Variants in SLC41A3 observed in about 807,000 individuals in gnomAD.
SLC41A3 encodes solute carrier family 41 member 3.
Under a neutral mutation model 45.4 loss-of-function variants are expected in SLC41A3, and 44 were observed. The observed-to-expected ratio is 0.97, with a 90% confidence interval of 0.76 to 1.25. The LOEUF is 1.25. Among genes scored for constraint, SLC41A3 ranks in the 50% most tolerant of loss-of-function variants. The probability of loss-of-function intolerance (pLI) is 0.00; values close to 1 mark genes in which losing one functional copy is unlikely to be tolerated. For missense variants in SLC41A3, 550 were observed against 600.6 expected (o/e 0.92, Z 0.88); for synonymous variants, 256 against 252.4 (o/e 1.01, Z -0.13).
chr3:126,012,613 A>C lies in SLC41A3; in HGVS notation c.1105+2T>G. 1.9e-6 allele frequency: 3 copies of C among 1,614,152 alleles called. No homozygotes were observed. Among genetic ancestry groups the C allele is most frequent in the Middle Eastern group, 1.7e-4 (1 of 6,058 alleles). On this transcript the variant is annotated splice_donor_variant, in intron 9 of 10. Coordinates refer to ENST00000360370, the MANE Select transcript of SLC41A3 (RefSeq NM_017836.4). LOFTEE classifies it high-confidence loss of function. ...ATGGCCTCTGAAAGACATGACACCC[A>C]CCTGACGTGCAGAAAGTAGAACACG...
chr3:126,012,140 T>C (rs1466547707), intron 9 of SLC41A3, among the ~76,000 whole-genome samples: 1 of 152,196 alleles, frequency 6.6e-6, no homozygotes, highest in Non-Finnish European at 1.5e-5. Flanking sequence ...CTCTGGGCCT[T>C]TGCTAGACTG....
chr3:126,081,262 A>G (rs60272575), intron 1 of SLC41A3, among the ~76,000 whole-genome samples: 4,849 of 152,338 alleles, frequency 0.032, 149 homozygotes, highest in East Asian at 0.15. Flanking sequence ...CCGTGGACAG[A>G]AAGACAAACA....
In SLC41A3 at chr3:126,016,756, T is replaced by C. The variant is rs762561400; in HGVS notation, c.865A>G (p.Ile289Val). Residue 289 changes from isoleucine (I) to valine (V), a missense_variant, in exon 7 of 11, where the codon ATC becomes GTC. By Grantham distance (29) the Ile-to-Val change is conservative. Coordinates refer to ENST00000360370, the MANE Select transcript of SLC41A3 (RefSeq NM_017836.4). ...VKILKFGWFP[I>V]ILAMVISSFG... ...CTGCTGATGACCATGGCCAGGATGA[T>C]TGGGAACCAGCCAAACTTCAGGATC... 23 of 1,611,856 alleles carry C rather than the reference T, an allele frequency of 1.4e-5. No homozygotes were observed. Among genetic ancestry groups the C allele is most frequent in the East Asian group, 2.2e-5 (1 of 44,732 alleles).
intron 1 of SLC41A3, among the ~76,000 whole-genome samples, chr3:126,077,972 T>C (rs944227267): frequency 1.3e-5 from 2 of 152,234 alleles, no homozygotes; most frequent in Admixed American, 6.5e-5. Context: ...CCAGAGAACC[T>C]GGGCCCAGGC....
intron 3 of SLC41A3, among the ~76,000 whole-genome samples, chr3:126,043,114 T>G (rs555514219): frequency 6.6e-6 from 1 of 152,046 alleles, no homozygotes; most frequent in South Asian, 2.1e-4. Context: ...ACAAACTATT[T>G]GAAAGTCAAA....
At chr3:126,074,150 T>C (rs1053340652) in intron 1 of SLC41A3, among the ~76,000 whole-genome samples, 2 of 152,118 alleles carry the variant, frequency 1.3e-5, no homozygotes, top group East Asian at 2.0e-4. Context: ...AAAAACACTT[T>C]AAAAAGTTAG....
At chr3:126,035,100 A>G (rs1942085704) in intron 3 of SLC41A3, among the ~76,000 whole-genome samples, 1 of 152,158 alleles carries the variant, frequency 6.6e-6, no homozygotes, top group Non-Finnish European at 1.5e-5. Context: ...AGAGAGAGAC[A>G]TGAGAGGGGA....
intron 2 of SLC41A3, among the ~76,000 whole-genome samples, chr3:126,060,472 A>T (rs1395513881): frequency 6.6e-6 from 1 of 152,220 alleles, no homozygotes; most frequent in East Asian, 1.9e-4. Flanking sequence ...GTGCATGCAC[A>T]GTGAAACGTT....
At chr3:126,087,410 G>A (rs1375082807), upstream of SLC41A3, among the ~76,000 whole-genome samples, 3 of 151,978 alleles carry the variant, frequency 2.0e-5, no homozygotes, top group Admixed American at 6.5e-5. Flanking sequence ...GTAAACAAAC[G>A]TCATATAATT....
intron 2 of SLC41A3, among the ~76,000 whole-genome samples, chr3:126,060,547 T>C (rs747130868): frequency 2.0e-5 from 3 of 152,134 alleles, no homozygotes; most frequent in Non-Finnish European, 1.5e-5. Flanking sequence ...TAAGTAATCT[T>C]TATAATTTTT....
At chr3:126,040,254 T>C (rs1220797650) in intron 3 of SLC41A3, among the ~76,000 whole-genome samples, 1 of 152,228 alleles carries the variant, frequency 6.6e-6, no homozygotes, top group African/African-American at 2.4e-5. Context: ...CTTGAGTTCA[T>C]GCTTATTTCC....
intron 2 of SLC41A3, among the ~76,000 whole-genome samples, chr3:126,064,422 A>G (rs1325147975): frequency 1.3e-5 from 2 of 151,834 alleles, no homozygotes; most frequent in Non-Finnish European, 2.9e-5. Context: ...CTGCTGACTC[A>G]CTCTGCTCCC....
chr3:126,056,395 C>T (rs763272310), intron 2 of SLC41A3: 2 of 1,614,190 alleles, frequency 1.2e-6, no homozygotes, highest in Admixed American at 3.3e-5. Context: ...TGTCATCATG[C>T]ACAAGCCGGA....
Position 126,008,745 on chromosome 3 carries a change from G to T in SLC41A3, c.1241C>A (p.Ala414Glu). ...AGCCAGGCTTACCTGGATCAGGCCT[G>T]CCAGCAGGTAGAGCACCACAAAGGT... ...SQTFVVLYLL[A>E]GLIQVTILLY... The change falls in exon 10 of 11, where the codon GCA (alanine) becomes GAA (glutamate). Residue 414 changes from alanine (A) to glutamate (E), a missense_variant. Ala to Glu is a moderately radical substitution (Grantham distance 107, BLOSUM62 -1). Transcript: ENST00000360370. 12 of 1,613,942 alleles carry T rather than the reference G, an allele frequency of 7.4e-6. No homozygotes were observed. Among genetic ancestry groups the T allele is most frequent in the Non-Finnish European group, 9.3e-6 (11 of 1,179,872 alleles).
intron 6 of SLC41A3, among the ~76,000 whole-genome samples, chr3:126,017,479 G>A (rs1044147575): frequency 6.6e-6 from 1 of 152,234 alleles, no homozygotes; most frequent in Non-Finnish European, 1.5e-5. Context: ...ACTGGCGAGA[G>A]GCCAGTGAAG....
chr3:126,096,393 CA>C (rs576149517), intron 1 of SLC41A3, among the ~76,000 whole-genome samples: 26,047 of 151,014 alleles, frequency 0.17, 2,352 homozygotes, highest in Middle Eastern at 0.26. Context: ...CCCCCCACCC[CA>C]AAAAAAAACA....
At chr3:126,015,458 AC>A in intron 8 of SLC41A3, 35 bp downstream of exon 8, 1 of 1,609,528 alleles carries the variant, frequency 6.2e-7, no homozygotes, top group Middle Eastern at 1.7e-4. Context: ...GGCCTACCCA[AC>A]CCAGGGACCA....
upstream of SLC41A3, among the ~76,000 whole-genome samples, chr3:126,087,441 A>T (rs955854611): frequency 5.9e-5 from 9 of 152,086 alleles, no homozygotes; most frequent in African/African-American, 2.2e-4. Context: ...GGTTATTAAT[A>T]AGTATTAAGT....
chr3:126,033,823 C>A, intron 3 of SLC41A3, 145 bp from the exon 4 acceptor site: 2 of 800,062 alleles, frequency 2.5e-6, no homozygotes, highest in Non-Finnish European at 4.0e-6. Context: ...CTCAGCTCTC[C>A]AAACAGCGAC....
Sources: allele counts gnomAD v4.1 joint callset (sites outside exome capture counted in the v4.1 genomes callset), GRCh38; gene constraint gnomAD v4.1.1; transcripts MANE v1.5; gene names NCBI Gene and HGNC (gene_info 2026-07-23, HGNC 2026-07-21).